The following DCC variants were observed in gnomAD, a reference collection of about 807,000 sequenced individuals.
DCC encodes the protein netrin receptor DCC.
A neutral mutation model predicts 172.5 loss-of-function variants in DCC; 58 were observed. That is an observed-to-expected ratio of 0.34 (90% CI 0.27 to 0.42). DCC has a LOEUF of 0.42. Ranked by LOEUF, DCC falls within the 10% of genes least tolerant of loss-of-function variation. The pLI is 1.00. For synonymous variants in DCC, 709 were observed against 644.5 expected (o/e 1.10, Z -1.52); for missense variants, 1,740 against 1,791.0 (o/e 0.97, Z 0.51).
intron 4 of DCC, among the ~76,000 whole-genome samples, chr18:52,924,229 G>C (rs879932208): frequency 2.0e-5 from 3 of 152,038 alleles, no homozygotes; most frequent in Non-Finnish European, 4.4e-5. Context: ...ATAACTATGT[G>C]AAGTGATATG....
At chr18:52,709,677 G>A (rs1205066138) in intron 1 of DCC, among the ~76,000 whole-genome samples, 1 of 152,112 alleles carries the variant, frequency 6.6e-6, no homozygotes, top group South Asian at 2.1e-4. Flanking sequence ...TCAAATATAT[G>A]TTAAAGATTA....
rs2042958563 is a variant in DCC, at chr18:53,088,711, A to G, written c.1261+22545A>G. Reference sequence around the variant, plus strand: ...AAAGAGAGAAGAATCAAATAGACGCAATAAAAAATGGTAGAGTATTTTCTT... The same window carrying G: ...AAAGAGAGAAGAATCAAATAGACGCGATAAAAAATGGTAGAGTATTTTCTT... On this transcript the variant is annotated intron_variant, in intron 7 of 28. Transcript: ENST00000442544. 3.3e-5 allele frequency among the ~76,000 whole-genome samples: 5 copies of G among 152,318 alleles called. No homozygotes were observed. The South Asian group carries it at 1.0e-3, about 32-fold the overall frequency.
chr18:52,871,596 A>T (rs2039319463), intron 2 of DCC, among the ~76,000 whole-genome samples: 1 of 152,162 alleles, frequency 6.6e-6, no homozygotes, highest in South Asian at 2.1e-4. Context: ...CTGGGACTAC[A>T]GGTGCACACC....
intron 9 of DCC, among the ~76,000 whole-genome samples, chr18:53,199,691 T>C (rs1043732224): frequency 2.6e-5 from 4 of 151,976 alleles, no homozygotes; most frequent in Non-Finnish European, 4.4e-5. Context: ...TTTGTGAAGA[T>C]GAGTAAGCAT....
chr18:53,248,042 A>C (rs2056385662), intron 12 of DCC, among the ~76,000 whole-genome samples: 1 of 151,976 alleles, frequency 6.6e-6, no homozygotes, highest in Non-Finnish European at 1.5e-5. Flanking sequence ...GCAGAATGTC[A>C]GGAATGTTCA....
intron 1 of DCC, among the ~76,000 whole-genome samples, chr18:52,418,604 G>A (rs761420509): frequency 6.6e-6 from 1 of 152,126 alleles, no homozygotes; most frequent in Non-Finnish European, 1.5e-5. Context: ...AGAAGGTTGA[G>A]TCAAAGACCA....
intron 13 of DCC, among the ~76,000 whole-genome samples, chr18:53,316,329 C>T (rs990521735): frequency 7.2e-5 from 11 of 152,064 alleles, no homozygotes; most frequent in Non-Finnish European, 1.5e-4. Context: ...GTTTTGGTAC[C>T]AGTACCATGC....
intron 2 of DCC, among the ~76,000 whole-genome samples, chr18:52,789,863 G>A (rs77259281): frequency 7.9e-5 from 12 of 152,074 alleles, no homozygotes; most frequent in African/African-American, 2.9e-4. Flanking sequence ...AGCCCCTTCT[G>A]AAGATATACT....
intron 1 of DCC, among the ~76,000 whole-genome samples, chr18:52,522,146 C>T (rs1437981488): frequency 6.6e-6 from 1 of 152,148 alleles, no homozygotes; most frequent in Non-Finnish European, 1.5e-5. Context: ...TTGGGTTACT[C>T]ATGGATAATT....
intron 1 of DCC, among the ~76,000 whole-genome samples, chr18:52,652,804 A>C (rs1398234289): frequency 2.0e-5 from 3 of 150,808 alleles, no homozygotes; most frequent in Non-Finnish European, 4.4e-5. Flanking sequence ...AATCCTCATC[A>C]GTTTCTTTCT....
chr18:52,471,622 C>T (rs1436967077), intron 1 of DCC, among the ~76,000 whole-genome samples: 1 of 152,132 alleles, frequency 6.6e-6, no homozygotes, highest in East Asian at 1.9e-4. Context: ...AAGCTGAAAT[C>T]CCGGCATGAG....
chr18:53,522,916 G>C (rs2046415855), intron 27 of DCC, among the ~76,000 whole-genome samples: 1 of 152,060 alleles, frequency 6.6e-6, no homozygotes, highest in Admixed American at 6.6e-5. Flanking sequence ...TTGACAAATG[G>C]GATCAAATTA....
chr18:52,947,125 A>G, intron 5 of DCC, among the ~76,000 whole-genome samples: 1 of 152,144 alleles, frequency 6.6e-6, no homozygotes, highest in East Asian at 1.9e-4. Flanking sequence ...TGGTGTGAAT[A>G]TTTGTATCAA....
rs543946241 is a variant in DCC at position 52,744,362 on chromosome 18, G to T, written c.92-7692G>T. On this transcript the variant is annotated intron_variant, in intron 1 of 28. Coordinates refer to ENST00000442544, the MANE Select transcript of DCC (RefSeq NM_005215.4). ...ATCCATAGCTTCCCTATATTTTAAT[G>T]ATCCTTAATAAATTCCCATAGTAAA... Among the ~76,000 whole-genome samples the T allele has an allele frequency of 5.9e-5, 9 of 152,064 alleles. No individual in the cohort carries two copies. In the East Asian group the frequency reaches 1.4e-3, roughly 23 times the overall value.
chr18:53,263,486 C>T lies in DCC; in HGVS notation c.1912-42092C>T, dbSNP rs148800921. Among the ~76,000 whole-genome samples, 8 of 152,084 alleles carry T rather than the reference C, an allele frequency of 5.3e-5. No homozygotes were observed. The East Asian group carries it at 1.4e-3, about 26-fold the overall frequency. ...TAATTTTAAAATGTATTTCTATATC[C>T]TAATAATTTAATGTTTTATGCATTA... On this transcript the variant is annotated intron_variant, in intron 12 of 28. Transcript: ENST00000442544.
chr18:53,524,279 A>G (rs770555670), intron 27 of DCC, among the ~76,000 whole-genome samples: 2 of 151,990 alleles, frequency 1.3e-5, no homozygotes, highest in Non-Finnish European at 2.9e-5. Flanking sequence ...TTAAAAATAA[A>G]TAAGTTGTTG....
Position 53,180,981 on chromosome 18 carries a change from T to G in DCC, c.1573+1865T>G, listed in dbSNP as rs1244058936. Among the ~76,000 whole-genome samples the G allele has an allele frequency of 2.0e-5, 3 of 152,220 alleles. No homozygotes were observed. The East Asian group carries it at 5.8e-4, about 29-fold the overall frequency. On this transcript the variant is annotated intron_variant, in intron 9 of 28. Transcript: ENST00000442544. ...ATCATCTATGTAAAATCAATAACTT[T>G]TATGACTATTTTATATTTTTGATTA...
At chr18:53,267,451 T>A (rs2056693454) in intron 12 of DCC, among the ~76,000 whole-genome samples, 1 of 151,954 alleles carries the variant, frequency 6.6e-6, no homozygotes, top group Admixed American at 6.6e-5. Context: ...CCTCCCAAAG[T>A]GCTGAGATTA....
chr18:52,770,844 A>G (rs1032062798), intron 2 of DCC, among the ~76,000 whole-genome samples: 9 of 152,252 alleles, frequency 5.9e-5, no homozygotes, highest in African/African-American at 1.9e-4. Context: ...TAGTTTTAAT[A>G]GTGATCTCAC....
Sources: gnomAD v4.1 joint callset for allele counts (sites outside exome capture counted in the v4.1 genomes callset) on GRCh38, gnomAD v4.1.1 for gene constraint, MANE v1.5 for transcripts, NCBI Gene and HGNC (gene_info 2026-07-23, HGNC 2026-07-21) for gene names.